Variants in MND1 observed in about 807,000 individuals in gnomAD.
The protein encoded by MND1 is meiotic nuclear divisions 1.
A neutral mutation model predicts 35.1 loss-of-function variants in MND1; 28 were observed. That is an observed-to-expected ratio of 0.80 (90% CI 0.59 to 1.09). MND1 has a LOEUF of 1.09. Ranked by LOEUF, MND1 falls within the 50% of genes least tolerant of loss-of-function variation. MND1 has a pLI of 0.00. For missense variants in MND1, 213 were observed against 239.6 expected (o/e 0.89, Z 0.73); for synonymous variants, 69 against 70.5 (o/e 0.98, Z 0.11).
intron 4 of MND1, among the ~76,000 whole-genome samples, chr4:153,368,371 C>T (rs73854676): frequency 0.014 from 2,145 of 152,236 alleles, 44 homozygotes; most frequent in African/African-American, 0.048. Context: ...GGTTGCCTAG[C>T]TAGTCAACAT....
chr4:153,381,657 T>TA (rs1554011371), intron 4 of MND1: 1 of 106,346 alleles, frequency 9.4e-6, no homozygotes, highest in Admixed American at 1.2e-4. Context: ...ATATATAATA[T>TA]ATATAATATA....
rs1413544160 is a variant in MND1, at chr4:153,358,002, G to A, written c.128-472G>A. Among the ~76,000 whole-genome samples the A allele has an allele frequency of 7.9e-5, 12 of 152,258 alleles. No homozygotes were observed. In the East Asian group the frequency reaches 1.3e-3, roughly 17 times the overall value. ...CTGATGCTAGCATCTTCTATTACTA[G>A]ATAATCTATTGGGAGAGAAAAACTT... is the stretch of plus-strand genomic sequence containing the variant. On this transcript the variant is annotated intron_variant, in intron 3 of 7. Coordinates refer to ENST00000240488, the MANE Select transcript of MND1 (RefSeq NM_032117.4).
At chr4:153,362,833 G>A (rs531670714) in intron 4 of MND1, among the ~76,000 whole-genome samples, 222 of 152,072 alleles carry the variant, frequency 1.5e-3, no homozygotes, top group Admixed American at 3.7e-3. Context: ...GTTTTTTTTA[G>A]TCTCTGGGTA....
chr4:153,383,593 T>C lies in MND1; in HGVS notation c.277-10669T>C, dbSNP rs544884454. Among the ~76,000 whole-genome samples the C allele has an allele frequency of 2.2e-4, 34 of 152,324 alleles. No individual in the cohort carries two copies. The South Asian group carries it at 6.6e-3, about 30-fold the overall frequency. ...AAGGGACAGGAAGCTGAACTTGCAG[T>C]CAGTGGACTGGTAGAACTCTAGACT... is the stretch of plus-strand genomic sequence containing the variant. On this transcript the variant is annotated intron_variant, in intron 4 of 7. Coordinates refer to ENST00000240488, the MANE Select transcript of MND1 (RefSeq NM_032117.4).
chr4:153,374,176 A>G (rs906222095), intron 4 of MND1, among the ~76,000 whole-genome samples: 6 of 152,204 alleles, frequency 3.9e-5, no homozygotes, highest in Non-Finnish European at 2.9e-5. Flanking sequence ...TTAGGCAGTC[A>G]GTATATGGTG....
Position 153,354,322 on chromosome 4 carries a change from A to G in MND1, c.70-1332A>G, listed in dbSNP as rs150044368. The stretch of plus-strand genomic sequence containing the variant: ...TTCCATGAAACCTTAAATGTAAACA[A>G]ATTTTGACAGTTGCCTGTTTCGCTT... On this transcript the variant is annotated intron_variant, in intron 2 of 7. Transcript: ENST00000240488. Among the ~76,000 whole-genome samples, 9 of 152,326 alleles carry G rather than the reference A, an allele frequency of 5.9e-5. No homozygotes were observed. In the East Asian group the frequency reaches 1.7e-3, roughly 29 times the overall value.
chr4:153,386,440 A>G (rs752523114), intron 4 of MND1, among the ~76,000 whole-genome samples: 2 of 152,094 alleles, frequency 1.3e-5, no homozygotes, highest in Non-Finnish European at 2.9e-5. Flanking sequence ...TGAGGCTACA[A>G]TGAGCTATGA....
intron 4 of MND1, among the ~76,000 whole-genome samples, chr4:153,390,941 G>A (rs917149841): frequency 1.9e-4 from 28 of 149,326 alleles, no homozygotes; most frequent in African/African-American, 2.5e-4. Flanking sequence ...GTGTGTGTGT[G>A]TATATAAAAT....
chr4:153,403,543 T>C (rs936899618), intron 6 of MND1, among the ~76,000 whole-genome samples: 3 of 152,138 alleles, frequency 2.0e-5, no homozygotes, highest in African/African-American at 7.2e-5. Flanking sequence ...GGAAAGTTAC[T>C]AAACAAATTG....
At chr4:153,378,881 A>G (rs1331859664) in intron 4 of MND1, among the ~76,000 whole-genome samples, 5 of 152,332 alleles carry the variant, frequency 3.3e-5, no homozygotes, top group South Asian at 2.1e-4. Context: ...ATAGTAGTCA[A>G]CTTTCTTAGT....
chr4:153,396,801 A>G (rs1439090259), intron 5 of MND1, among the ~76,000 whole-genome samples: 1 of 152,144 alleles, frequency 6.6e-6, no homozygotes, highest in Non-Finnish European at 1.5e-5. Flanking sequence ...ATTGTCTAGA[A>G]CACTTTTAAA....
At chr4:153,371,656 C>T (rs998344043) in intron 4 of MND1, among the ~76,000 whole-genome samples, 3 of 152,050 alleles carry the variant, frequency 2.0e-5, no homozygotes, top group Admixed American at 6.5e-5. Flanking sequence ...CTTAAGGGAA[C>T]GTTGTGGTTG....
intron 4 of MND1, among the ~76,000 whole-genome samples, chr4:153,361,192 C>G (rs1454886715): frequency 6.6e-6 from 1 of 152,204 alleles, no homozygotes; most frequent in African/African-American, 2.4e-5. Context: ...TACTGAAGGA[C>G]ATCCTTTAGT....
At chr4:153,352,284 G>C (rs565827094) in intron 2 of MND1, among the ~76,000 whole-genome samples, 39 of 152,186 alleles carry the variant, frequency 2.6e-4, no homozygotes, top group African/African-American at 7.0e-4. Flanking sequence ...ATCATGTATG[G>C]ATGGATATAT....
chr4:153,347,272 C>G (rs1190465943), intron 1 of MND1, among the ~76,000 whole-genome samples: 2 of 152,222 alleles, frequency 1.3e-5, no homozygotes, highest in African/African-American at 4.8e-5. Flanking sequence ...TGGACCCTAG[C>G]TCTCAGCCCT....
rs764078930 is a variant in MND1 at position 153,394,284 on chromosome 4, A to G, written c.299A>G (p.His100Arg). ...TAGTTGTCTGAGGGAAGTCAAAAGCATGCAAGCCTACAGAAAAGCATTGAG... is the reference window on the plus strand; with the variant it reads ...TAGTTGTCTGAGGGAAGTCAAAAGCGTGCAAGCCTACAGAAAAGCATTGAG... ...ESQLSEGSQK[H>R]ASLQKSIEKA... The change falls in exon 5 of 8, where the codon CAT becomes CGT. Residue 100 changes from histidine to arginine, a missense_variant. By Grantham distance (29) the His-to-Arg change is conservative. Transcript: ENST00000240488. 1 of 1,612,862 alleles carries G rather than the reference A, an allele frequency of 6.2e-7. No individual in the cohort carries two copies. Among genetic ancestry groups the G allele is most frequent in the South Asian group, 1.1e-5 (1 of 91,032 alleles).
chr4:153,409,139 T>G, intron 7 of MND1, 124 bp downstream of exon 7: 2 of 366,790 alleles, frequency 5.5e-6, no homozygotes, highest in South Asian at 1.4e-4. Context: ...ATGTATGCAT[T>G]ACTCAAATGT....
In MND1 at chr4:153,385,060, T is replaced by C. The variant is rs530180594; in HGVS notation, c.277-9202T>C. Among the ~76,000 whole-genome samples the C allele has an allele frequency of 9.8e-4, 149 of 152,342 alleles. 2 individuals carry two copies. Among genetic ancestry groups the C allele is most frequent in the Non-Finnish European group, 1.6e-3 (110 of 68,022 alleles). On this transcript the variant is annotated intron_variant, in intron 4 of 7. Transcript: ENST00000240488. ...CATGCAAAGCAATACCTTAAGTTGT[T>C]CATTACCCAGCTATATTTTGTGAAA...
intron 4 of MND1, chr4:153,381,661 TAA>T (rs1561068393): frequency 1.0e-5 from 1 of 98,590 alleles, no homozygotes; most frequent in Non-Finnish European, 2.0e-5. Context: ...ATAATATATA[TAA>T]TATAATATAT....
Sources: allele counts gnomAD v4.1 joint callset (sites outside exome capture counted in the v4.1 genomes callset), GRCh38; gene constraint gnomAD v4.1.1; transcripts MANE v1.5; gene names NCBI Gene and HGNC (gene_info 2026-07-23, HGNC 2026-07-21).